LMTK2: variants seen among roughly 807,000 people sequenced by gnomAD.
The protein encoded by LMTK2 is serine/threonine-protein kinase LMTK2.
In LMTK2, 37 loss-of-function variants were observed where a neutral mutation model predicts 127.5. That is an observed-to-expected ratio of 0.29 (90% CI 0.22 to 0.38). The LOEUF (loss-of-function observed/expected upper bound fraction) is 0.38. Among genes scored for constraint, LMTK2 ranks in the 10% least tolerant of loss-of-function variants. The pLI is 1.00. For synonymous variants in LMTK2, 819 were observed against 810.1 expected (o/e 1.01, Z -0.19); for missense variants, 1,694 against 1,920.3 (o/e 0.88, Z 2.20).
At chr7:98,154,268 G>A (rs1328846745) in intron 4 of LMTK2, among the ~76,000 whole-genome samples, 1 of 152,178 alleles carries the variant, frequency 6.6e-6, no homozygotes, top group Non-Finnish European at 1.5e-5. Flanking sequence ...ATCATTGGAT[G>A]GAGTGCGATG....
intron 1 of LMTK2, among the ~76,000 whole-genome samples, chr7:98,114,232 T>C (rs552079687): frequency 1.9e-4 from 28 of 150,968 alleles, no homozygotes; most frequent in African/African-American, 6.1e-4. Context: ...TATATGTGTT[T>C]TTTTAAAGTT....
chr7:98,116,673 A>G (rs992374005), intron 1 of LMTK2, among the ~76,000 whole-genome samples: 2 of 152,274 alleles, frequency 1.3e-5, no homozygotes, highest in Non-Finnish European at 1.5e-5. Flanking sequence ...TTAACATCCT[A>G]TATTAATGTA....
chr7:98,116,694 C>T (rs1796291768), intron 1 of LMTK2, among the ~76,000 whole-genome samples: 4 of 152,124 alleles, frequency 2.6e-5, no homozygotes, highest in African/African-American at 7.2e-5. Flanking sequence ...GTACATTTGT[C>T]ACAACTAAGG....
chr7:98,176,927 C>T (rs1797286900), intron 7 of LMTK2, among the ~76,000 whole-genome samples: 2 of 152,164 alleles, frequency 1.3e-5, no homozygotes, highest in African/African-American at 4.8e-5. Flanking sequence ...CTGGTTTTCC[C>T]GTCTGTGTTA....
intron 3 of LMTK2, among the ~76,000 whole-genome samples, chr7:98,148,530 AAAT>A (rs1352009307): frequency 6.6e-6 from 1 of 151,040 alleles, no homozygotes; most frequent in Non-Finnish European, 1.5e-5. Flanking sequence ...TAATAAATAA[AAAT>A]AAAAAATAAA....
In LMTK2 at chr7:98,195,501, A is replaced by G. The variant is rs78780626; in HGVS notation, c.4107+929A>G. Among the ~76,000 whole-genome samples, 189 of 152,186 alleles carry G rather than the reference A, an allele frequency of 1.2e-3. 1 individual carries two copies. The highest frequency in any genetic ancestry group is 4.3e-3 in the African/African-American group (179 of 41,514). ...AAAAAAAAAAAAAAGTTCTTTTCAT[A>G]CTAGTCTTTGTAGCCCTTGAATTTG... On this transcript the variant is annotated intron_variant, in intron 11 of 13. Transcript: ENST00000297293.
intron 1 of LMTK2, among the ~76,000 whole-genome samples, chr7:98,110,171 T>C (rs1796181337): frequency 6.6e-6 from 1 of 152,206 alleles, no homozygotes; most frequent in African/African-American, 2.4e-5. Flanking sequence ...TTAACTGAAA[T>C]TCAGCTTTTA....
chr7:98,185,196 C>A, intron 8 of LMTK2, 61 bp downstream of exon 8: 2 of 1,119,554 alleles, frequency 1.8e-6, no homozygotes, highest in South Asian at 1.3e-5. Context: ...GTTGTAATGT[C>A]ACCAAATGCC....
At chr7:98,133,641 G>A (rs1343381503) in intron 1 of LMTK2, among the ~76,000 whole-genome samples, 1 of 152,190 alleles carries the variant, frequency 6.6e-6, no homozygotes, top group Admixed American at 6.5e-5. Context: ...TAATGGGACT[G>A]TTAGATACTG....
At chr7:98,148,540 TAA>T (rs1796805756) in intron 3 of LMTK2, among the ~76,000 whole-genome samples, 1 of 150,340 alleles carries the variant, frequency 6.7e-6, no homozygotes, top group Non-Finnish European at 1.5e-5. Flanking sequence ...AAATAAAAAA[TAA>T]AGTCTTGTCT....
At chr7:98,133,602 T>C (rs1297287317) in intron 1 of LMTK2, among the ~76,000 whole-genome samples, 1 of 152,170 alleles carries the variant, frequency 6.6e-6, no homozygotes, top group Non-Finnish European at 1.5e-5. Flanking sequence ...TACTTGAAGC[T>C]ACCTAGTCAA....
intron 11 of LMTK2, among the ~76,000 whole-genome samples, chr7:98,197,270 A>T (rs543423443): frequency 2.6e-5 from 4 of 152,238 alleles, no homozygotes; most frequent in African/African-American, 9.6e-5. Flanking sequence ...CATGGAGAGG[A>T]CCCTGAGGCT....
chr7:98,129,471 G>A (rs1349031283), intron 1 of LMTK2, among the ~76,000 whole-genome samples: 1 of 152,002 alleles, frequency 6.6e-6, no homozygotes, highest in Non-Finnish European at 1.5e-5. Flanking sequence ...TTGACCTCCT[G>A]TGCTCAGGTG....
intron 1 of LMTK2, among the ~76,000 whole-genome samples, chr7:98,131,667 A>G (rs1796521616): frequency 6.6e-6 from 1 of 152,174 alleles, no homozygotes; most frequent in Non-Finnish European, 1.5e-5. Context: ...GTGTCATAAA[A>G]TGTTATTTTG....
At position 98,159,237 on chromosome 7, in the gene LMTK2, T is replaced by A. The variant is rs201095388; in HGVS notation, c.570-101T>A. On this transcript the variant is annotated intron_variant, in intron 5 of 13. Coordinates refer to ENST00000297293, the MANE Select transcript of LMTK2 (RefSeq NM_014916.4). ...TATTATATAAATTATTATGAAAAAA[T>A]TTGGATTACTATTTGAATAATTTTA... 249 of 629,638 alleles carry A rather than the reference T, an allele frequency of 4.0e-4. 1 individual carries two copies. In the East Asian group the frequency reaches 5.5e-3, roughly 14 times the overall value. 39.0% of individuals were successfully genotyped at this position (629,638 alleles called of 1,614,324 possible). A position where few individuals can be genotyped will look rare whatever the true frequency, so the allele number is the denominator to read the frequency against.
chr7:98,192,324 G>T lies in LMTK2; in HGVS notation c.1859G>T (p.Gly620Val). Residue 620 changes from glycine to valine, a missense_variant, in exon 11 of 14, where the codon GGG becomes GTG. Gly to Val is a moderately radical substitution (Grantham distance 109, BLOSUM62 -3). Coordinates refer to ENST00000297293, the MANE Select transcript of LMTK2 (RefSeq NM_014916.4). ...GACCCCAAAGACTCTAGCTTACCAGGGGACTTACACGTGACCAGTGGCCCC... is the reference window on the plus strand; with the variant it reads ...GACCCCAAAGACTCTAGCTTACCAGTGGACTTACACGTGACCAGTGGCCCC... ...STDPKDSSLP[G>V]DLHVTSGPES... 1 of 1,559,262 alleles carries T rather than the reference G, an allele frequency of 6.4e-7. No homozygotes were observed. Among genetic ancestry groups the T allele is most frequent in the Non-Finnish European group, 8.6e-7 (1 of 1,158,734 alleles).
chr7:98,138,447 A>G (rs1796627363), intron 2 of LMTK2, among the ~76,000 whole-genome samples: 1 of 152,180 alleles, frequency 6.6e-6, no homozygotes, highest in Non-Finnish European at 1.5e-5. Context: ...CACTGGCCGT[A>G]TACACACAGA....
chr7:98,130,425 C>T (rs1040862388), intron 1 of LMTK2, among the ~76,000 whole-genome samples: 6 of 152,190 alleles, frequency 3.9e-5, no homozygotes, highest in African/African-American at 1.2e-4. Context: ...ATATGTGCAC[C>T]TACTGGTCTT....
At chr7:98,128,838 A>C (rs1408227729) in intron 1 of LMTK2, among the ~76,000 whole-genome samples, 1 of 152,174 alleles carries the variant, frequency 6.6e-6, no homozygotes, top group African/African-American at 2.4e-5. Flanking sequence ...GAGGGAGAAC[A>C]TAAATTGGAG....
Sources: allele counts gnomAD v4.1 joint callset (sites outside exome capture counted in the v4.1 genomes callset), GRCh38; gene constraint gnomAD v4.1.1; transcripts MANE v1.5; gene names NCBI Gene and HGNC (gene_info 2026-07-23, HGNC 2026-07-21).